Variants in MARCHF1 observed in about 807,000 individuals in gnomAD.
The protein encoded by MARCHF1 is E3 ubiquitin-protein ligase MARCHF1.
In MARCHF1, 40 loss-of-function variants were observed where a neutral mutation model predicts 54.2. The observed-to-expected ratio is 0.74, with a 90% CI of 0.57 to 0.96. MARCHF1 has a LOEUF of 0.96. MARCHF1 is among the 40% of genes least tolerant of loss of function. The pLI, the probability that MARCHF1 is intolerant of heterozygous loss-of-function variation, is 0.00. For synonymous variants in MARCHF1, 236 were observed against 236.3 expected, an observed-to-expected ratio of 1.00 and a Z score of 0.01; for missense variants, 586 against 656.5, an observed-to-expected ratio of 0.89 and a Z score of 1.17.
chr4:164,082,682 A>T (rs962490821), intron 2 of MARCHF1, among the ~76,000 whole-genome samples: 3 of 152,218 alleles, frequency 2.0e-5, no homozygotes, highest in Middle Eastern at 3.2e-3. Context: ...AATGGCAAAA[A>T]AAAGTATGTG....
At chr4:163,781,363 A>G (rs1013500404) in intron 4 of MARCHF1, among the ~76,000 whole-genome samples, 7 of 152,144 alleles carry the variant, frequency 4.6e-5, no homozygotes, top group African/African-American at 1.7e-4. Flanking sequence ...AAAAGAACAG[A>G]GAGAAAACTA....
At chr4:164,150,830 AC>A (rs1218476884) in intron 1 of MARCHF1, among the ~76,000 whole-genome samples, 4 of 152,222 alleles carry the variant, frequency 2.6e-5, no homozygotes, top group Non-Finnish European at 2.9e-5. Context: ...GAAATATGTT[AC>A]ATAGCAAAGG....
At chr4:163,592,224 ACT>A (rs1169657013) in intron 7 of MARCHF1, among the ~76,000 whole-genome samples, 1 of 152,116 alleles carries the variant, frequency 6.6e-6, no homozygotes, top group Non-Finnish European at 1.5e-5. Context: ...CTGAATATGT[ACT>A]CTTTTTTACA....
chr4:164,155,627 T>C (rs1282826669), intron 1 of MARCHF1, among the ~76,000 whole-genome samples: 4 of 152,136 alleles, frequency 2.6e-5, no homozygotes, highest in Non-Finnish European at 4.4e-5. Context: ...GGGAGCTAAA[T>C]AATGTATACA....
chr4:164,289,665 C>A (rs558299340), intron 1 of MARCHF1, among the ~76,000 whole-genome samples: 1 of 151,436 alleles, frequency 6.6e-6, no homozygotes, highest in African/African-American at 2.4e-5. Flanking sequence ...GCTGCTCCAG[C>A]AACCTTCCCT....
intron 2 of MARCHF1, among the ~76,000 whole-genome samples, chr4:164,059,676 T>C (rs770426021): frequency 6.6e-6 from 1 of 152,148 alleles, no homozygotes; most frequent in Non-Finnish European, 1.5e-5. Context: ...CTGATGCAAA[T>C]AAATACAGAT....
At chr4:163,531,280 A>G (rs1222754776) in intron 9 of MARCHF1, among the ~76,000 whole-genome samples, 1 of 151,906 alleles carries the variant, frequency 6.6e-6, no homozygotes, top group East Asian at 1.9e-4. Context: ...ACAGTTACAC[A>G]CTACAGCCAA....
intron 5 of MARCHF1, among the ~76,000 whole-genome samples, chr4:163,624,218 AC>A (rs1402562312): frequency 6.6e-6 from 1 of 152,184 alleles, no homozygotes; most frequent in Non-Finnish European, 1.5e-5. Flanking sequence ...CCAACTATCA[AC>A]CGAGAATGCT....
intron 4 of MARCHF1, among the ~76,000 whole-genome samples, chr4:163,721,064 T>C (rs1745438046): frequency 6.6e-6 from 1 of 152,160 alleles, no homozygotes; most frequent in Non-Finnish European, 1.5e-5. Context: ...TCCAACACTG[T>C]GTTGAATAGG....
intron 1 of MARCHF1, among the ~76,000 whole-genome samples, chr4:164,285,658 A>G (rs373174286): frequency 1.3e-5 from 2 of 151,660 alleles, no homozygotes; most frequent in East Asian, 1.9e-4. Flanking sequence ...TAGCCAGGAC[A>G]GTCTCGATCT....
At chr4:164,256,381 G>C (rs1321675779) in intron 1 of MARCHF1, among the ~76,000 whole-genome samples, 1 of 147,450 alleles carries the variant, frequency 6.8e-6, no homozygotes, top group African/African-American at 2.5e-5. Flanking sequence ...ATGTATTTGG[G>C]TGAAAACAAA....
intron 1 of MARCHF1, among the ~76,000 whole-genome samples, chr4:164,254,122 G>T (rs1000463461): frequency 1.3e-5 from 2 of 151,906 alleles, no homozygotes; most frequent in African/African-American, 2.4e-5. Context: ...AATTTTTTTT[G>T]AGAGAGTCTC....
At chr4:163,810,793 A>G (rs1748362925) in intron 4 of MARCHF1, among the ~76,000 whole-genome samples, 2 of 151,904 alleles carry the variant, frequency 1.3e-5, no homozygotes, top group South Asian at 4.1e-4. Flanking sequence ...AGAATTAACA[A>G]GAATTTTAAT....
chr4:163,782,392 C>T lies in MARCHF1; in HGVS notation c.111+71629G>A, dbSNP rs114757048. Among the ~76,000 whole-genome samples the T allele has an allele frequency of 7.2e-3, 1,102 of 152,014 alleles. 12 individuals are homozygous for T. The highest frequency in any genetic ancestry group is 6.0e-3 in the Admixed American group (91 of 15,260). ...GTCCTTATTGAAAGGTCCAGCAGGCCGGGTGTGGTGGCTCATGCCTGTATT... is the reference window on the plus strand; with the variant it reads ...GTCCTTATTGAAAGGTCCAGCAGGCTGGGTGTGGTGGCTCATGCCTGTATT... On this transcript the variant is annotated intron_variant, in intron 4 of 9. Transcript: ENST00000514618.
At chr4:164,315,986 T>C (rs777903462) in intron 1 of MARCHF1, among the ~76,000 whole-genome samples, 2 of 152,144 alleles carry the variant, frequency 1.3e-5, no homozygotes, top group African/African-American at 2.4e-5. Flanking sequence ...TAATACCTTG[T>C]GCAAATTACT....
At chr4:164,114,655 C>A (rs968617516) in intron 1 of MARCHF1, among the ~76,000 whole-genome samples, 1 of 151,286 alleles carries the variant, frequency 6.6e-6, no homozygotes, top group African/African-American at 2.4e-5. Flanking sequence ...ATAAGATTTA[C>A]AATGAAATAA....
chr4:163,844,786 A>C (rs936879076), intron 4 of MARCHF1, among the ~76,000 whole-genome samples: 14 of 152,208 alleles, frequency 9.2e-5, no homozygotes, highest in Admixed American at 3.9e-4. Flanking sequence ...ACAATGCCGA[A>C]TACTAAACAA....
At chr4:163,703,179 G>T (rs1374307717) in intron 4 of MARCHF1, among the ~76,000 whole-genome samples, 1 of 151,986 alleles carries the variant, frequency 6.6e-6, no homozygotes, top group African/African-American at 2.4e-5. Context: ...AAGAAACACT[G>T]AAAGAGCTTT....
chr4:164,080,885 GGCTAA>G (rs1755081643), intron 2 of MARCHF1, among the ~76,000 whole-genome samples: 1 of 151,824 alleles, frequency 6.6e-6, no homozygotes, highest in African/African-American at 2.4e-5. Flanking sequence ...GATTTAAGAG[GGCTAA>G]ACTAGATAAA....
Sources: allele counts gnomAD v4.1 joint callset (sites outside exome capture counted in the v4.1 genomes callset), GRCh38; gene constraint gnomAD v4.1.1; transcripts MANE v1.5; gene names NCBI Gene and HGNC (gene_info 2026-07-23, HGNC 2026-07-21).